Variants in ICAM3 observed in about 807,000 individuals in gnomAD.
The protein encoded by ICAM3 is ICAM-3.
In ICAM3, 54 loss-of-function variants were observed where a neutral mutation model predicts 43.6. The observed-to-expected ratio is 1.24, with a 90% CI of 0.99 to 1.55. The LOEUF is 1.55. Ranked by LOEUF, ICAM3 falls within the 40% of genes most tolerant of loss-of-function variation. ICAM3 has a pLI of 0.00. For missense variants in ICAM3, 715 were observed against 717.9 expected (o/e 1.00, Z 0.05); for synonymous variants, 306 against 312.6 (o/e 0.98, Z 0.22).
chr19:10,334,855 C>G lies in ICAM3; in HGVS notation c.938-73G>C, dbSNP rs1398916611. On this transcript the variant is annotated intron_variant, in intron 4 of 6. Transcript: ENST00000160262. This position sits in a 1 kb window ranked among gnomAD's most constrained non-coding sequence, Gnocchi z 5.5. ...TGGGTCAAGCCGCTCCCTCCGCCCT[C>G]CCCTTTCCTCTCGGGATATCCGGGC... The G allele has an allele frequency of 1.3e-6, 2 of 1,505,404 alleles. No homozygotes were observed. The highest frequency in any genetic ancestry group is 1.8e-6 in the Non-Finnish European group (2 of 1,122,864). 93.3% of individuals were successfully genotyped at this position (1,505,404 alleles called of 1,614,324 possible).
rs1213227694 is a variant in ICAM3 at position 10,335,707 on chromosome 19, C to A, written c.613G>T (p.Val205Leu). The A allele has an allele frequency of 6.2e-7, 1 of 1,608,448 alleles. No individual in the cohort carries two copies. Among genetic ancestry groups the A allele is most frequent in the African/African-American group, 1.3e-5 (1 of 74,900 alleles). Residue 205 changes from valine to leucine, a missense_variant, in exon 3 of 7, where the codon GTG becomes TTG. Val to Leu is a conservative substitution (Grantham distance 32, BLOSUM62 1). Transcript: ENST00000160262. ...AGCTGGCGGGGGGCTGAGGTGTTCA[C>A]GAACAGTCCCAGCCCCTGGGGCTGC... Reference protein sequence around the residue: ...DMQPQGLGLFVNTSAPRQLRT... With the variant: ...DMQPQGLGLFLNTSAPRQLRT...
intron 1 of ICAM3, 65 bp downstream of exon 1, chr19:10,339,474 C>T (rs905859294): frequency 1.5e-6 from 2 of 1,376,774 alleles, no homozygotes; most frequent in Non-Finnish European, 2.1e-6. Flanking sequence ...CGTTCTATTC[C>T]TCTACCCTCT....
intron 1 of ICAM3, chr19:10,339,216 G>A (rs2040631286): frequency 3.4e-6 from 2 of 586,070 alleles, no homozygotes; most frequent in Admixed American, 6.1e-5. Context: ...AGGCTAAGTA[G>A]GAGTTAGCAA....
Position 10,334,708 on chromosome 19 carries a change from C to T in ICAM3, c.1012G>A (p.Ala338Thr). 1 of 1,613,266 alleles carries T rather than the reference C, an allele frequency of 6.2e-7. No individual in the cohort carries two copies. Among genetic ancestry groups the T allele is most frequent in the Non-Finnish European group, 8.5e-7 (1 of 1,179,974 alleles). ...EGSTVTVSCM[A>T]GARVQVTLDG... ...AGCGTGACCTGGACTCGAGCCCCAGCCATGCAACTCACGGTCACTGTGGAC... is the reference window on the plus strand; with the variant it reads ...AGCGTGACCTGGACTCGAGCCCCAGTCATGCAACTCACGGTCACTGTGGAC... Residue 338 changes from alanine to threonine, a missense_variant, in exon 5 of 7, where the codon GCT becomes ACT. Ala to Thr is a moderately conservative substitution (Grantham distance 58). Coordinates refer to ENST00000160262, the MANE Select transcript of ICAM3 (RefSeq NM_002162.5). The surrounding 1 kb of genome is among the most constrained non-coding windows in gnomAD (Gnocchi z 5.5).
Position 10,335,046 on chromosome 19 carries a change from C to G in ICAM3, c.937+20G>C. On this transcript the variant is annotated intron_variant, in intron 4 of 6. Transcript: ENST00000160262. ...CCCCAGACTGCTGAGGCCGCGCCCC[C>G]TTCCCACGCCTCCTCTTACTAAAGA... The G allele has an allele frequency of 1.2e-6, 2 of 1,605,516 alleles. No homozygotes were observed. Among genetic ancestry groups the G allele is most frequent in the Non-Finnish European group, 1.7e-6 (2 of 1,174,430 alleles).
At chr19:10,337,529 C>T in intron 2 of ICAM3, among the ~76,000 whole-genome samples, 1 of 151,400 alleles carries the variant, frequency 6.6e-6, no homozygotes. Flanking sequence ...TTGAGACCAA[C>T]CTAGGCAACA....
chr19:10,335,499 A>G, intron 3 of ICAM3, 146 bp from the exon 4 acceptor site: 6 of 1,100,728 alleles, frequency 5.5e-6, no homozygotes, highest in Non-Finnish European at 7.6e-6. Context: ...GCCTTCTTCA[A>G]AGATCCCACG....
chr19:10,338,596 C>T, intron 2 of ICAM3, 86 bp downstream of exon 2: 1 of 1,306,528 alleles, frequency 7.7e-7, no homozygotes. Context: ...TCTTTGCAAA[C>T]TGAGGGTCCC....
At position 10,339,263 on chromosome 19, in the gene ICAM3, A is replaced by G. The variant is rs553025899; in HGVS notation, c.76+276T>C. 9.0e-5 allele frequency: 52 copies of G among 580,740 alleles called. 2 individuals carry two copies. In the South Asian group the frequency reaches 1.1e-3, roughly 12 times the overall value. 36.0% of individuals were successfully genotyped at this position (580,740 alleles called of 1,614,324 possible). Reference sequence around the variant, plus strand: ...AGGTGATCCTGGCAGAGGGAAGCACATACGCAAAGGGCAAATTTCAGGAGT... The same window carrying G: ...AGGTGATCCTGGCAGAGGGAAGCACGTACGCAAAGGGCAAATTTCAGGAGT... On this transcript the variant is annotated intron_variant, in intron 1 of 6. Coordinates refer to ENST00000160262, the MANE Select transcript of ICAM3 (RefSeq NM_002162.5).
intron 2 of ICAM3, among the ~76,000 whole-genome samples, chr19:10,336,512 C>T (rs1218768545): frequency 1.3e-5 from 2 of 152,118 alleles, no homozygotes; most frequent in Admixed American, 6.5e-5. Context: ...ACCTACAAAA[C>T]GCTGGGCCTC....
chr19:10,336,420 C>T (rs1464999742), intron 2 of ICAM3, among the ~76,000 whole-genome samples: 2 of 152,004 alleles, frequency 1.3e-5, no homozygotes, highest in Admixed American at 1.3e-4. Context: ...CCTGGTTCAC[C>T]AGCCCTGTGG....
rs772399003 is a variant in ICAM3 at position 10,335,720 on chromosome 19, C to T, written c.600G>A (p.Gly200=). Residue 200 remains glycine (G), a synonymous_variant, in exon 3 of 7, where the codon GGG becomes GGA. Transcript: ENST00000160262. Reference sequence around the variant, plus strand: ...CTGAGGTGTTCACGAACAGTCCCAGCCCCTGGGGCTGCATGTCCAGTTCTG... The same window carrying T: ...CTGAGGTGTTCACGAACAGTCCCAGTCCCTGGGGCTGCATGTCCAGTTCTG... ...CRTELDMQPQ[G]LGLFVNTSAP... is the part of the protein sequence containing the mutation. 2 of 1,610,224 alleles carry T rather than the reference C, an allele frequency of 1.2e-6. No homozygotes were observed. Among genetic ancestry groups the T allele is most frequent in the South Asian group, 1.1e-5 (1 of 90,434 alleles).
At position 10,333,790 on chromosome 19, in the gene ICAM3, G is replaced by T; in HGVS notation, c.*67C>A. The T allele has an allele frequency of 6.5e-7, 1 of 1,535,268 alleles. No individual in the cohort carries two copies. Among genetic ancestry groups the T allele is most frequent in the South Asian group, 1.1e-5 (1 of 88,010 alleles). ...CAAACCACAGATTAGGGAGTTTGAAGGCTTTATTGGTGCGGAATCTGAGGG... is the reference window on the plus strand; with the variant it reads ...CAAACCACAGATTAGGGAGTTTGAATGCTTTATTGGTGCGGAATCTGAGGG... On this transcript the variant is annotated 3_prime_UTR_variant, in exon 7 of 7. Transcript: ENST00000160262. The surrounding 1 kb of genome is among the most constrained non-coding windows in gnomAD (Gnocchi z 4.2).
chr19:10,335,947 G>C lies in ICAM3; in HGVS notation c.373C>G (p.Leu125Val). ...RLPERVELAPLPPWQPVGQNF... is the reference protein window; with the variant it reads ...RLPERVELAPVPPWQPVGQNF... ...TGGCCCACCGGCTGCCAAGGAGGCA[G>C]GGGTGCCAGCTCCACACGCTCCGGG... The change falls in exon 3 of 7, where the codon CTG becomes GTG. Residue 125 changes from leucine to valine, a missense_variant. Transcript: ENST00000160262. The C allele has an allele frequency of 6.3e-7, 1 of 1,576,240 alleles. No homozygotes were observed. The highest frequency in any genetic ancestry group is 1.1e-5 in the South Asian group (1 of 87,800).
In ICAM3 at chr19:10,334,799, G is replaced by T; in HGVS notation, c.938-17C>A. On this transcript the variant is annotated splice_polypyrimidine_tract_variant and intron_variant, in intron 4 of 6. Transcript: ENST00000160262. The surrounding 1 kb of genome is among the most constrained non-coding windows in gnomAD (Gnocchi z 5.5). Reference sequence around the variant, plus strand: ...CTAGGAAGCCTAAAGGCGGGGCATTGCCCAGGAGCTTAATGAACAGGACCT... The same window carrying T: ...CTAGGAAGCCTAAAGGCGGGGCATTTCCCAGGAGCTTAATGAACAGGACCT... 1 of 1,561,876 alleles carries T rather than the reference G, an allele frequency of 6.4e-7. No individual in the cohort carries two copies. The highest frequency in any genetic ancestry group is 1.2e-5 in the South Asian group (1 of 84,472).
intron 3 of ICAM3, 59 bp downstream of exon 3, chr19:10,335,612 C>T (rs2040588206): frequency 6.7e-6 from 10 of 1,490,608 alleles, no homozygotes; most frequent in African/African-American, 2.8e-5. Flanking sequence ...ACCCCAAGGT[C>T]AGGGCACCGT....
chr19:10,335,235 C>T lies in ICAM3; in HGVS notation c.768G>A (p.Leu256=). 6.2e-7 allele frequency: 1 copy of T among 1,613,858 alleles called. No homozygotes were observed. The highest frequency in any genetic ancestry group is 8.5e-7 in the Non-Finnish European group (1 of 1,180,034). ...LFPASEAQVY[L]ALGDQMLNAT... ...CATTCAGCATCTGGTCCCCCAGCGC[C>T]AGGTAGACCTGGGCCTCTGAGGCTG... is the stretch of plus-strand genomic sequence containing the variant. The change falls in exon 4 of 7, where the codon CTG becomes CTA. Residue 256 remains leucine, a synonymous_variant. Coordinates refer to ENST00000160262, the MANE Select transcript of ICAM3 (RefSeq NM_002162.5).
intron 2 of ICAM3, among the ~76,000 whole-genome samples, chr19:10,336,826 AAG>A (rs1555713908): frequency 1.5e-5 from 2 of 135,714 alleles, no homozygotes; most frequent in African/African-American, 5.6e-5. Context: ...AAAAAAAAAA[AAG>A]GCTGGGCAAG....
chr19:10,334,783 C>G lies in ICAM3; in HGVS notation c.938-1G>C. ...AGGTTCACAATGGGTCCTAGGAAGCCTAAAGGCGGGGCATTGCCCAGGAGC... is the reference window on the plus strand; with the variant it reads ...AGGTTCACAATGGGTCCTAGGAAGCGTAAAGGCGGGGCATTGCCCAGGAGC... On this transcript the variant is annotated splice_acceptor_variant, in intron 4 of 6. Transcript: ENST00000160262. LOFTEE classifies it high-confidence loss of function. This position sits in a 1 kb window ranked among gnomAD's most constrained non-coding sequence, Gnocchi z 5.5. 1 of 1,581,514 alleles carries G rather than the reference C, an allele frequency of 6.3e-7. No homozygotes were observed. The highest frequency in any genetic ancestry group is 8.6e-7 in the Non-Finnish European group (1 of 1,160,896).
Sources: allele counts gnomAD v4.1 joint callset (sites outside exome capture counted in the v4.1 genomes callset), GRCh38; gene constraint gnomAD v4.1.1; non-coding constraint Gnocchi (gnomAD v3.1); transcripts MANE v1.5; gene names NCBI Gene and HGNC (gene_info 2026-07-23, HGNC 2026-07-21).